The following ARMH4 variants were observed in gnomAD, a reference collection of about 807,000 sequenced individuals.
ARMH4 encodes the protein armadillo-like helical domain-containing protein 4.
Under a neutral mutation model 61.9 loss-of-function variants are expected in ARMH4, and 49 were observed. The observed-to-expected ratio is 0.79, with a 90% CI of 0.63 to 1.00. The LOEUF is 1.00. ARMH4 is among the 50% of genes least tolerant of loss of function. ARMH4 has a pLI of 0.00. For missense variants in ARMH4, 934 were observed against 930.0 expected (o/e 1.00, Z -0.06); for synonymous variants, 368 against 341.5 (o/e 1.08, Z -0.85).
At chr14:58,054,886 T>A (rs200339021) in intron 5 of ARMH4, among the ~76,000 whole-genome samples, 1,045 of 77,588 alleles carry the variant, frequency 0.013, 6 homozygotes, top group East Asian at 0.054. Context: ...AAAAAAAAAA[T>A]AATAATAATA....
At position 58,022,942 on chromosome 14, in the gene ARMH4, G is replaced by A. The variant is rs558351324; in HGVS notation, c.2090-10792C>T. ...TATATTTGCACTATAGTATAGTCTA[G>A]TAAGTATGAGATTGCATTATGTCTA... On this transcript the variant is annotated intron_variant, in intron 5 of 7. Coordinates refer to ENST00000267485, the MANE Select transcript of ARMH4 (RefSeq NM_001001872.4). Among the ~76,000 whole-genome samples the A allele has an allele frequency of 5.9e-5, 9 of 152,328 alleles. No homozygotes were observed. In the South Asian group the frequency reaches 1.9e-3, roughly 32 times the overall value.
intron 4 of ARMH4, among the ~76,000 whole-genome samples, chr14:58,119,423 T>C (rs1886644989): frequency 6.6e-6 from 1 of 152,218 alleles, no homozygotes; most frequent in Middle Eastern, 3.2e-3. Flanking sequence ...TCTATCCTCA[T>C]ATTGAAAAAT....
At chr14:58,038,236 G>A in intron 5 of ARMH4, among the ~76,000 whole-genome samples, 1 of 71,324 alleles carries the variant, frequency 1.4e-5, no homozygotes, top group Admixed American at 1.5e-4. Context: ...AAAATGATGA[G>A]TTCATGTCCT....
intron 1 of ARMH4, among the ~76,000 whole-genome samples, chr14:58,144,638 C>T (rs1189456321): frequency 2.6e-5 from 4 of 152,140 alleles, no homozygotes; most frequent in South Asian, 2.1e-4. Context: ...GAGGCCAAGG[C>T]GGGTGGATCA....
At chr14:58,131,380 C>T (rs1887089025) in intron 4 of ARMH4, 132 bp downstream of exon 4, 2 of 633,564 alleles carry the variant, frequency 3.2e-6, no homozygotes, top group Non-Finnish European at 5.2e-6. Flanking sequence ...CAGATTTGGC[C>T]CAGCTGTAGT....
At chr14:58,040,278 C>A (rs1036531465) in intron 5 of ARMH4, among the ~76,000 whole-genome samples, 2 of 151,990 alleles carry the variant, frequency 1.3e-5, no homozygotes, top group African/African-American at 2.4e-5. Flanking sequence ...AAACTTAGTA[C>A]CCAGTCGTTG....
At position 58,138,512 on chromosome 14, in the gene ARMH4, C is replaced by A; in HGVS notation, c.847G>T (p.Val283Phe). 6.2e-7 allele frequency: 1 copy of A among 1,614,240 alleles called. No individual in the cohort carries two copies. The highest frequency in any genetic ancestry group is 8.5e-7 in the Non-Finnish European group (1 of 1,180,036). Residue 283 changes from valine to phenylalanine, a missense_variant, in exon 2 of 8, where the codon GTT becomes TTT. Transcript: ENST00000267485. ...AGCAGACTATCAGTTTCTGGCTCAA[C>A]ACTCAGGGTGTACTCGGAAGTTTCG... Reference protein sequence around the residue: ...PLETSEYTLSVEPETDSLLGA... With the variant: ...PLETSEYTLSFEPETDSLLGA...
intron 5 of ARMH4, among the ~76,000 whole-genome samples, 156 bp downstream of exon 5, chr14:58,096,568 T>C (rs1885755635): frequency 6.6e-6 from 1 of 152,208 alleles, no homozygotes; most frequent in Non-Finnish European, 1.5e-5. Flanking sequence ...GGTGAGTTTA[T>C]ACTTATATTC....
intron 5 of ARMH4, among the ~76,000 whole-genome samples, chr14:58,028,987 A>G (rs1374823306): frequency 2.6e-5 from 4 of 152,124 alleles, no homozygotes; most frequent in Non-Finnish European, 4.4e-5. Context: ...CATTTTCACA[A>G]TGTTGTACAA....
rs374588899 is a variant in ARMH4, at chr14:58,092,821, G to GTTT, written c.2089+3900_2089+3902dup. ...CCAATTTAAAGATCCTTCCCTTTTT[G>GTTT]TTTTTTTTTTTTTAGACAGGGTCTT... On this transcript the variant is annotated intron_variant, in intron 5 of 7. Coordinates refer to ENST00000267485, the MANE Select transcript of ARMH4 (RefSeq NM_001001872.4). Among the ~76,000 whole-genome samples the GTTT allele has an allele frequency of 5.9e-3, 849 of 143,070 alleles. 5 individuals are homozygous for GTTT. The highest frequency in any genetic ancestry group is 0.015 in the African/African-American group (567 of 38,758). The allele number at this position is 143,070 out of a possible 152,430, so 93.9% of individuals were successfully genotyped here.
chr14:58,008,152 G>A (rs556221888), intron 6 of ARMH4, among the ~76,000 whole-genome samples: 12 of 152,154 alleles, frequency 7.9e-5, no homozygotes, highest in Non-Finnish European at 1.5e-5. Flanking sequence ...TAACTGCACA[G>A]AGATCTGCTT....
At chr14:58,075,710 C>T (rs955347553) in intron 5 of ARMH4, among the ~76,000 whole-genome samples, 1 of 152,148 alleles carries the variant, frequency 6.6e-6, no homozygotes, top group African/African-American at 2.4e-5. Context: ...ATGTAACAAA[C>T]TTGCACGTTC....
At chr14:58,141,904 A>G (rs1887572753) in intron 1 of ARMH4, among the ~76,000 whole-genome samples, 1 of 152,248 alleles carries the variant, frequency 6.6e-6, no homozygotes, top group African/African-American at 2.4e-5. Flanking sequence ...GTTTCAGAAA[A>G]AAACAAAATA....
At chr14:58,105,152 C>T (rs1173360986) in intron 4 of ARMH4, among the ~76,000 whole-genome samples, 2 of 152,058 alleles carry the variant, frequency 1.3e-5, no homozygotes, top group Non-Finnish European at 2.9e-5. Flanking sequence ...TAAAACTATG[C>T]CAAAAATAAC....
intron 5 of ARMH4, among the ~76,000 whole-genome samples, chr14:58,026,954 C>T (rs1883042633): frequency 1.3e-5 from 2 of 152,142 alleles, no homozygotes; most frequent in Non-Finnish European, 2.9e-5. Context: ...CAAGAAGCTC[C>T]CACCTCCCTA....
chr14:58,122,383 T>C (rs1182177743), intron 4 of ARMH4, among the ~76,000 whole-genome samples: 1 of 152,194 alleles, frequency 6.6e-6, no homozygotes, highest in African/African-American at 2.4e-5. Context: ...AAAATCCTAC[T>C]GCCTTTCTAG....
intron 5 of ARMH4, among the ~76,000 whole-genome samples, chr14:58,021,397 G>A (rs1396022315): frequency 2.6e-5 from 4 of 152,204 alleles, no homozygotes; most frequent in Non-Finnish European, 5.9e-5. Flanking sequence ...TGTAGGATGT[G>A]CCTTTGGCTC....
At chr14:58,103,871 C>G (rs898082820) in intron 4 of ARMH4, among the ~76,000 whole-genome samples, 2 of 152,218 alleles carry the variant, frequency 1.3e-5, no homozygotes, top group Admixed American at 1.3e-4. Flanking sequence ...CTCCTAGGAT[C>G]ACTGTTCTCT....
At position 58,131,711 on chromosome 14, in the gene ARMH4, G is replaced by C; in HGVS notation, c.1632C>G (p.Asp544Glu). 1 of 1,612,720 alleles carries C rather than the reference G, an allele frequency of 6.2e-7. No homozygotes were observed. The highest frequency in any genetic ancestry group is 1.1e-5 in the South Asian group (1 of 91,000). Residue 544 changes from aspartate to glutamate, a missense_variant, in exon 4 of 8, where the codon GAC (aspartate) becomes GAG (glutamate). Asp to Glu is a conservative substitution (Grantham distance 45). Coordinates refer to ENST00000267485, the MANE Select transcript of ARMH4 (RefSeq NM_001001872.4). ...ACTCCTCATTTGGCCCTGTGACTGT[G>C]TCCATTTGTTCTGCCAAACACAACA... ...EVTPTVEEQM[D>E]TVTGPNEEFT...
Sources: allele counts gnomAD v4.1 joint callset (sites outside exome capture counted in the v4.1 genomes callset), GRCh38; gene constraint gnomAD v4.1.1; transcripts MANE v1.5; gene names NCBI Gene and HGNC (gene_info 2026-07-23, HGNC 2026-07-21).